PIEZO2: variants seen among roughly 807,000 people sequenced by gnomAD.
PIEZO2 encodes the protein piezo-type mechanosensitive ion channel component 2.
In PIEZO2, 172 loss-of-function variants were observed where a neutral mutation model predicts 337.3. The ratio of observed to expected loss-of-function variants is 0.51; its 90% CI spans 0.45 to 0.58. The LOEUF (loss-of-function observed/expected upper bound fraction) is 0.58. PIEZO2 is among the 20% of genes least tolerant of loss of function. PIEZO2 has a pLI of 0.00. For synonymous variants in PIEZO2, 1,251 were observed against 1,228.5 expected (o/e 1.02, Z -0.38); for missense variants, 3,028 against 3,391.3 (o/e 0.89, Z 2.66).
chr18:10,790,393 T>C (rs943607423), intron 14 of PIEZO2, among the ~76,000 whole-genome samples: 1 of 152,192 alleles, frequency 6.6e-6, no homozygotes, highest in African/African-American at 2.4e-5. Flanking sequence ...AACCTCACAA[T>C]AGTCTTCAAT....
intron 2 of PIEZO2, among the ~76,000 whole-genome samples, chr18:11,029,810 A>G (rs1282405566): frequency 1.3e-5 from 2 of 152,062 alleles, no homozygotes; most frequent in African/African-American, 4.8e-5. Flanking sequence ...TTGACCCCCT[A>G]GAAGGTGGAC....
rs2032834056 is a variant in PIEZO2 at position 10,943,505 on chromosome 18, T to A, written c.287-32277A>T. On this transcript the variant is annotated intron_variant, in intron 3 of 55. Transcript: ENST00000674853. The surrounding 1 kb of genome is among the most constrained non-coding windows in gnomAD (Gnocchi z 4.5). Reference sequence around the variant, plus strand: ...GCATGGGGCCTGTAGCACCTTAGTTTTGGCCAATTTCTGCCATTTGGAATG... The same window carrying A: ...GCATGGGGCCTGTAGCACCTTAGTTATGGCCAATTTCTGCCATTTGGAATG... 6.6e-6 allele frequency among the ~76,000 whole-genome samples: 1 copy of A among 152,204 alleles called. No homozygotes were observed. The highest frequency in any genetic ancestry group is 2.4e-5 in the African/African-American group (1 of 41,456).
chr18:10,944,181 C>T (rs369550682), intron 3 of PIEZO2, among the ~76,000 whole-genome samples: 2 of 151,792 alleles, frequency 1.3e-5, no homozygotes, highest in African/African-American at 4.8e-5. Flanking sequence ...AACAAATACT[C>T]GGTGGATGAG....
At chr18:11,030,013 C>G (rs568198423) in intron 2 of PIEZO2, among the ~76,000 whole-genome samples, 1 of 152,172 alleles carries the variant, frequency 6.6e-6, no homozygotes, top group Non-Finnish European at 1.5e-5. Context: ...AATTAGGTAA[C>G]TTTTACTCCC....
intron 3 of PIEZO2, among the ~76,000 whole-genome samples, chr18:10,972,978 C>T (rs1271779281): frequency 6.6e-6 from 1 of 152,182 alleles, no homozygotes. Context: ...CTGAGGCACA[C>T]TGGGACTCAC....
At position 11,033,124 on chromosome 18, in the gene PIEZO2, T is replaced by C. The variant is rs992956476; in HGVS notation, c.160+33003A>G. 2.0e-5 allele frequency among the ~76,000 whole-genome samples: 3 copies of C among 152,196 alleles called. No individual in the cohort carries two copies. Among genetic ancestry groups the C allele is most frequent in the African/African-American group, 7.2e-5 (3 of 41,450 alleles). On this transcript the variant is annotated intron_variant, in intron 2 of 55. Coordinates refer to ENST00000674853, the MANE Select transcript of PIEZO2 (RefSeq NM_001378183.1). This position sits in a 1 kb window ranked among gnomAD's most constrained non-coding sequence, Gnocchi z 4.2. ...ATAATAGACAGCACCTTTTGAGCAT[T>C]TACCGTGAGCCCAACACATTACGTC...
intron 2 of PIEZO2, among the ~76,000 whole-genome samples, chr18:11,054,666 C>A (rs2037650877): frequency 6.6e-6 from 1 of 152,206 alleles, no homozygotes; most frequent in African/African-American, 2.4e-5. Context: ...AGGCTTCCTG[C>A]CAAACACTCC....
In PIEZO2 at chr18:10,727,023, C is replaced by T. The variant is rs2036571913; in HGVS notation, c.5029+4384G>A. 5.1e-6 allele frequency: 4 copies of T among 783,076 alleles called. No individual in the cohort carries two copies. The highest frequency in any genetic ancestry group is 5.9e-5 in the Admixed American group (2 of 34,180). 48.5% of individuals were successfully genotyped at this position (783,076 alleles called of 1,614,324 possible). ...ACATGAAGCTGTTTGCTCTGTGCTT[C>T]CACGGTCTGGGTGTTTCTTGGGGGG... On this transcript the variant is annotated intron_variant, in intron 36 of 55. Coordinates refer to ENST00000674853, the MANE Select transcript of PIEZO2 (RefSeq NM_001378183.1). The surrounding 1 kb of genome is among the most constrained non-coding windows in gnomAD (Gnocchi z 6.3).
rs113723597 is a variant in PIEZO2 at position 10,915,873 on chromosome 18, C to T, written c.287-4645G>A. Among the ~76,000 whole-genome samples the T allele has an allele frequency of 1.2e-3, 187 of 152,158 alleles. 1 individual carries two copies. Among genetic ancestry groups the T allele is most frequent in the Non-Finnish European group, 2.1e-3 (143 of 68,004 alleles). ...ATTACAGTTCTTAAAGGTGGAGTTT[C>T]TAGATTAGCTAGACACAGAGTGCTG... On this transcript the variant is annotated intron_variant, in intron 3 of 55. Coordinates refer to ENST00000674853, the MANE Select transcript of PIEZO2 (RefSeq NM_001378183.1).
chr18:11,120,253 T>G (rs2146192166), intron 1 of PIEZO2, among the ~76,000 whole-genome samples: 1 of 152,366 alleles, frequency 6.6e-6, no homozygotes. Flanking sequence ...AAAATTATAT[T>G]GCCATGACTC....
At position 11,101,778 on chromosome 18, in the gene PIEZO2, A is replaced by G. The variant is rs1364032189; in HGVS notation, c.65-35556T>C. Among the ~76,000 whole-genome samples, 1 of 152,230 alleles carries G rather than the reference A, an allele frequency of 6.6e-6. No individual in the cohort carries two copies. Among genetic ancestry groups the G allele is most frequent in the Non-Finnish European group, 1.5e-5 (1 of 68,044 alleles). ...TGCTAGATTGATAAATATCCTGAGG[A>G]AAAATGTAGACCCCGACCAGGCAGA... On this transcript the variant is annotated intron_variant, in intron 1 of 55. Coordinates refer to ENST00000674853, the MANE Select transcript of PIEZO2 (RefSeq NM_001378183.1). This position sits in a 1 kb window ranked among gnomAD's most constrained non-coding sequence, Gnocchi z 4.4.
chr18:10,975,871 T>G (rs1174312305), intron 3 of PIEZO2, among the ~76,000 whole-genome samples: 1 of 152,222 alleles, frequency 6.6e-6, no homozygotes, highest in Non-Finnish European at 1.5e-5. Flanking sequence ...AATTTACCAA[T>G]GTCTTGAACA....
At chr18:10,927,356 G>C (rs2031806568) in intron 3 of PIEZO2, among the ~76,000 whole-genome samples, 2 of 152,194 alleles carry the variant, frequency 1.3e-5, no homozygotes, top group Admixed American at 1.3e-4. Flanking sequence ...GGGATACTTA[G>C]CAGGATGCAG....
chr18:11,141,544 C>G (rs931583005), intron 1 of PIEZO2, among the ~76,000 whole-genome samples: 13 of 152,168 alleles, frequency 8.5e-5, no homozygotes, highest in African/African-American at 2.9e-4. Flanking sequence ...GAGATGAAAA[C>G]TTAAGGGCAA....
intron 2 of PIEZO2, among the ~76,000 whole-genome samples, chr18:11,026,670 C>T (rs1374623021): frequency 6.6e-6 from 1 of 152,244 alleles, no homozygotes; most frequent in East Asian, 1.9e-4. Flanking sequence ...GCTCCCTCCA[C>T]TGCCCTCTGT....
At chr18:10,968,349 A>G (rs528977956) in intron 3 of PIEZO2, among the ~76,000 whole-genome samples, 2 of 152,154 alleles carry the variant, frequency 1.3e-5, no homozygotes, top group Non-Finnish European at 2.9e-5. Flanking sequence ...TTTGATGACT[A>G]TGGTCTTATA....
chr18:10,779,404 T>G (rs913415086), intron 18 of PIEZO2, among the ~76,000 whole-genome samples: 1 of 152,222 alleles, frequency 6.6e-6, no homozygotes, highest in Non-Finnish European at 1.5e-5. Context: ...TAAAGTAAAA[T>G]AGTTTTAGTA....
chr18:10,974,604 C>T (rs2034367217), intron 3 of PIEZO2, among the ~76,000 whole-genome samples: 1 of 152,142 alleles, frequency 6.6e-6, no homozygotes, highest in Non-Finnish European at 1.5e-5. Context: ...TAAAGAGCTC[C>T]GTAAAGATGG....
intron 7 of PIEZO2, among the ~76,000 whole-genome samples, chr18:10,849,667 G>C (rs898533351): frequency 6.6e-6 from 1 of 152,184 alleles, no homozygotes; most frequent in East Asian, 1.9e-4. Flanking sequence ...GGGGGAAACC[G>C]AACATCAGCC....
Sources: gnomAD v4.1 joint callset for allele counts (sites outside exome capture counted in the v4.1 genomes callset) on GRCh38, gnomAD v4.1.1 for gene constraint, Gnocchi (gnomAD v3.1) non-coding constraint, MANE v1.5 for transcripts, NCBI Gene and HGNC (gene_info 2026-07-23, HGNC 2026-07-21) for gene names.